Variants in ALDH1L1 observed in about 807,000 individuals in gnomAD.
ALDH1L1 encodes the protein aldehyde dehydrogenase 1 family member L1.
In ALDH1L1, 68 loss-of-function variants were observed where a neutral mutation model predicts 101.1. The ratio of observed to expected loss-of-function variants is 0.67; its 90% CI spans 0.55 to 0.82. The LOEUF (loss-of-function observed/expected upper bound fraction) is 0.82. Ranked by LOEUF, ALDH1L1 falls within the 40% of genes least tolerant of loss-of-function variation. The probability of loss-of-function intolerance (pLI) is 0.00; values close to 1 mark genes in which losing one functional copy is unlikely to be tolerated. For synonymous variants in ALDH1L1, 486 were observed against 470.8 expected (o/e 1.03, Z -0.42); for missense variants, 1,087 against 1,172.7 (o/e 0.93, Z 1.07).
intron 8 of ALDH1L1, among the ~76,000 whole-genome samples, chr3:126,147,837 C>A (rs2080726717): frequency 1.3e-5 from 2 of 152,208 alleles, no homozygotes; most frequent in Admixed American, 1.3e-4. Context: ...CCTTCCCATC[C>A]TCAGGGCGAG....
chr3:126,160,899 C>T lies in ALDH1L1; in HGVS notation c.81G>A (p.Val27=). The T allele has an allele frequency of 1.2e-6, 2 of 1,614,264 alleles. No individual in the cohort carries two copies. Among genetic ancestry groups the T allele is most frequent in the Non-Finnish European group, 1.7e-6 (2 of 1,180,046 alleles). The change falls in exon 2 of 23, where the codon GTG becomes GTA. Residue 27 remains valine, a synonymous_variant. Transcript: ENST00000393434. ...CCTTGTCTGGAACAGTGAACACACC[C>T]ACCACTTCGTGGCCCTCCTTCCTCA... is the stretch of plus-strand genomic sequence containing the variant. ...CHLRKEGHEV[V]GVFTVPDKDG... is the part of the protein sequence containing the mutation.
At chr3:126,158,321 G>T in intron 3 of ALDH1L1, 84 bp downstream of exon 3, 2 of 1,315,366 alleles carry the variant, frequency 1.5e-6, no homozygotes, top group Non-Finnish European at 2.1e-6. Context: ...CCCTAGAAAT[G>T]CTTTGGGCTA....
chr3:126,118,106 C>T lies in ALDH1L1; in HGVS notation c.1889-8G>A, dbSNP rs770138995. On this transcript the variant is annotated splice_region_variant and splice_polypyrimidine_tract_variant and intron_variant, in intron 16 of 22. Transcript: ENST00000393434. ...TCTGGCCGACCAGGGAGCCTGTGGG[C>T]GGGAGGGAGGGGGGAATCAGAGTGG... 4.2e-5 allele frequency: 49 copies of T among 1,159,400 alleles called. No individual in the cohort carries two copies. The highest frequency in any genetic ancestry group is 1.1e-4 in the African/African-American group (7 of 64,896). 71.8% of individuals were successfully genotyped at this position (1,159,400 alleles called of 1,614,324 possible). A position where few individuals can be genotyped will look rare whatever the true frequency, so the allele number is the denominator to read the frequency against.
intron 19 of ALDH1L1, among the ~76,000 whole-genome samples, chr3:126,110,524 CAGCCCTGCTGCAAT>C (rs1268528263): frequency 6.6e-6 from 1 of 152,124 alleles, no homozygotes; most frequent in Non-Finnish European, 1.5e-5. Flanking sequence ...TGGGATACAC[CAGCCCTGCTGCAAT>C]AGTCCTGGTG....
At chr3:126,175,913 C>CA (rs1383992975) in intron 1 of ALDH1L1, among the ~76,000 whole-genome samples, 2 of 152,120 alleles carry the variant, frequency 1.3e-5, no homozygotes, top group East Asian at 3.9e-4. Context: ...TTCTTGTTCT[C>CA]AAAAAACATA....
At chr3:126,148,110 C>T (rs1234802762) in intron 8 of ALDH1L1, among the ~76,000 whole-genome samples, 3 of 152,150 alleles carry the variant, frequency 2.0e-5, no homozygotes, top group East Asian at 1.9e-4. Flanking sequence ...CACCTGCTAG[C>T]GTCCAGGGCC....
chr3:126,180,976 G>A (rs768147447), upstream of ALDH1L1: 2 of 1,610,448 alleles, frequency 1.2e-6, no homozygotes, highest in East Asian at 4.5e-5. Context: ...CATGTGCTAC[G>A]GACACAGCAG....
chr3:126,130,718 C>T (rs1281356210), intron 13 of ALDH1L1, among the ~76,000 whole-genome samples: 1 of 152,198 alleles, frequency 6.6e-6, no homozygotes, highest in Non-Finnish European at 1.5e-5. Flanking sequence ...CTGTCATGCC[C>T]TGGTGGAGAG....
intron 12 of ALDH1L1, among the ~76,000 whole-genome samples, chr3:126,133,730 A>G (rs1027725327): frequency 6.6e-6 from 1 of 152,188 alleles, no homozygotes; most frequent in African/African-American, 2.4e-5. Flanking sequence ...AGCTGCTGCC[A>G]TCTCCCTCTG....
rs958173686 is a variant in ALDH1L1, at chr3:126,103,739, G to A, written c.*52C>T. 84 of 1,589,416 alleles carry A rather than the reference G, an allele frequency of 5.3e-5. 3 individuals are homozygous for A. In the South Asian group the frequency reaches 6.9e-4, roughly 13 times the overall value. ...GTGCACCCAGGCTCAAGAGGGAGGGGGCCCCAGCCACGAGGGAGGGGCAGG... is the reference window on the plus strand; with the variant it reads ...GTGCACCCAGGCTCAAGAGGGAGGGAGCCCCAGCCACGAGGGAGGGGCAGG... On this transcript the variant is annotated 3_prime_UTR_variant, in exon 23 of 23. Transcript: ENST00000393434.
chr3:126,181,342 G>T (rs535789672), upstream of ALDH1L1: 16 of 371,082 alleles, frequency 4.3e-5, no homozygotes, highest in East Asian at 1.8e-4. Flanking sequence ...ACCTGCGGCC[G>T]CACTGCTCCG....
intron 17 of ALDH1L1, 55 bp from the exon 18 acceptor site, chr3:126,114,711 T>A: frequency 6.5e-7 from 1 of 1,537,852 alleles, no homozygotes; most frequent in Non-Finnish European, 8.9e-7. Context: ...GTAGGGGCAT[T>A]GGGACCCCAG....
chr3:126,175,149 A>G (rs1454366833), intron 1 of ALDH1L1, among the ~76,000 whole-genome samples: 1 of 152,150 alleles, frequency 6.6e-6, no homozygotes, highest in Non-Finnish European at 1.5e-5. Flanking sequence ...AGTTAAATGA[A>G]ATGAAACAAT....
At chr3:126,184,551 C>A (rs139491078), upstream of ALDH1L1, among the ~76,000 whole-genome samples, 89 of 152,328 alleles carry the variant, frequency 5.8e-4, no homozygotes, top group African/African-American at 1.5e-3. Context: ...CAGAGAGAGC[C>A]TCTGCCCGGG....
chr3:126,110,112 G>A lies in ALDH1L1; in HGVS notation c.2182-3C>T. On this transcript the variant is annotated splice_region_variant and splice_polypyrimidine_tract_variant and intron_variant, in intron 19 of 22. Coordinates refer to ENST00000393434, the MANE Select transcript of ALDH1L1 (RefSeq NM_012190.4). The stretch of plus-strand genomic sequence containing the variant: ...TTCATCTTCCGCACCTCTTCTACCT[G>A]CAGAAAGTCCTCCAAGTCAGGTGTG... The A allele has an allele frequency of 1.9e-6, 3 of 1,613,952 alleles. No homozygotes were observed. The highest frequency in any genetic ancestry group is 2.5e-6 in the Non-Finnish European group (3 of 1,179,904).
At chr3:126,107,048 C>G in intron 21 of ALDH1L1, 93 bp downstream of exon 21, 1 of 1,178,354 alleles carries the variant, frequency 8.5e-7, no homozygotes, top group Non-Finnish European at 1.3e-6. Flanking sequence ...CTCCTCCTGA[C>G]TGCCCGTAGA....
intron 1 of ALDH1L1, among the ~76,000 whole-genome samples, chr3:126,173,604 C>A (rs576905613): frequency 1.3e-5 from 2 of 152,190 alleles, no homozygotes; most frequent in East Asian, 3.9e-4. Flanking sequence ...CCAACTATAT[C>A]AAAAAATCAC....
At chr3:126,149,052 C>G (rs1310834610) in intron 8 of ALDH1L1, among the ~76,000 whole-genome samples, 2 of 152,226 alleles carry the variant, frequency 1.3e-5, no homozygotes, top group African/African-American at 4.8e-5. Context: ...AAAACCCCAC[C>G]CTTCCCGTTG....
intron 1 of ALDH1L1, among the ~76,000 whole-genome samples, chr3:126,196,914 G>A (rs915380531): frequency 6.6e-6 from 1 of 152,190 alleles, no homozygotes; most frequent in Non-Finnish European, 1.5e-5. Context: ...CTTCCCAGAA[G>A]GAGTCTAGAG....
Sources: allele counts gnomAD v4.1 joint callset (sites outside exome capture counted in the v4.1 genomes callset), GRCh38; gene constraint gnomAD v4.1.1; transcripts MANE v1.5; gene names NCBI Gene and HGNC (gene_info 2026-07-23, HGNC 2026-07-21).